ZZEF1: variants seen among roughly 807,000 people sequenced by gnomAD.
ZZEF1 encodes the protein zinc finger ZZ-type and EF-hand domain-containing protein 1.
ZZEF1 carries 157 observed loss-of-function variants against 342.8 expected under a neutral mutation model. That is an observed-to-expected ratio of 0.46 (90% CI 0.40 to 0.52). ZZEF1 has a LOEUF of 0.52. Among genes scored for constraint, ZZEF1 ranks in the 20% least tolerant of loss-of-function variants. The pLI is 0.00. For synonymous variants in ZZEF1, 1,505 were observed against 1,429.1 expected, an observed-to-expected ratio of 1.05 and a Z score of -1.20; for missense variants, 3,480 against 3,725.6, an observed-to-expected ratio of 0.93 and a Z score of 1.72.
In ZZEF1 at chr17:4,086,703, T is replaced by C. The variant is rs111274472; in HGVS notation, c.2343-48A>G. The C allele has an allele frequency of 1.2e-3, 1,962 of 1,602,490 alleles. 26 individuals are homozygous for C. The African/African-American group carries it at 0.023, about 19-fold the overall frequency. On this transcript the variant is annotated intron_variant, in intron 14 of 54. Transcript: ENST00000381638. ...AGAGAGCAAAAGGGCAAGTTGCATTTACTCTCCAAAGCCATATAGCTGTCT... is the reference window on the plus strand; with the variant it reads ...AGAGAGCAAAAGGGCAAGTTGCATTCACTCTCCAAAGCCATATAGCTGTCT...
chr17:4,050,676 T>C (rs1567794589), intron 36 of ZZEF1, 105 bp downstream of exon 36: 1 of 1,526,772 alleles, frequency 6.5e-7, no homozygotes. Context: ...TGTGGAAAAG[T>C]GGATGTTGCC....
chr17:4,025,145 G>C, intron 42 of ZZEF1, 27 bp from the exon 43 acceptor site: 2 of 1,609,586 alleles, frequency 1.2e-6, no homozygotes, highest in Non-Finnish European at 1.7e-6. Flanking sequence ...GGCAGAAAAA[G>C]AAAGGCACAA....
intron 32 of ZZEF1, among the ~76,000 whole-genome samples, chr17:4,057,142 C>T (rs781841): frequency 0.047 from 7,165 of 152,258 alleles, 565 homozygotes; most frequent in African/African-American, 0.16. Flanking sequence ...CTGTAAAGGG[C>T]GCGCTTCCTT....
rs111553415 is a variant in ZZEF1 at position 4,057,390 on chromosome 17, C to A, written c.5165+604G>T. On this transcript the variant is annotated intron_variant, in intron 32 of 54. Transcript: ENST00000381638. ...CCTGGTGTTGACTCATTCACTTCTT[C>A]CCACTTCTCTCCTCTTAGTGCATTC... Among the ~76,000 whole-genome samples the A allele has an allele frequency of 7.4e-4, 112 of 152,322 alleles. 1 individual carries two copies. Among genetic ancestry groups the A allele is most frequent in the African/African-American group, 2.6e-3 (106 of 41,564 alleles).
chr17:4,103,314 G>GGGAGTACTGCTTGAGTCCA (rs767287727), intron 8 of ZZEF1, among the ~76,000 whole-genome samples: 1 of 152,114 alleles, frequency 6.6e-6, no homozygotes, highest in Non-Finnish European at 1.5e-5. Flanking sequence ...AGGCTGAGGT[G>GGGAGTACTGCTTGAGTCCA]GGAGTACTGC....
chr17:4,102,162 T>A (rs771302537), intron 9 of ZZEF1, among the ~76,000 whole-genome samples, 155 bp downstream of exon 9: 1 of 152,200 alleles, frequency 6.6e-6, no homozygotes, highest in Non-Finnish European at 1.5e-5. Flanking sequence ...AGATTACAAC[T>A]ACACCACACA....
chr17:4,095,851 G>A lies in ZZEF1; in HGVS notation c.1893C>T (p.Leu631=). Residue 631 remains leucine (L), a synonymous_variant, in exon 11 of 55, where the codon CTC becomes CTT. Coordinates refer to ENST00000381638, the MANE Select transcript of ZZEF1 (RefSeq NM_015113.4). Reference sequence around the variant, plus strand: ...CTTACCTGCTTTTTACAAATTGCCTGAGCTCCTGAAGCTTCCATTTGTCAT... The same window carrying A: ...CTTACCTGCTTTTTACAAATTGCCTAAGCTCCTGAAGCTTCCATTTGTCAT... ...EKYDKWKLQE[L]RQFVKSRIGC... is the part of the protein sequence containing the mutation. 6.2e-7 allele frequency: 1 copy of A among 1,609,232 alleles called. No individual in the cohort carries two copies. The highest frequency in any genetic ancestry group is 8.5e-7 in the Non-Finnish European group (1 of 1,177,858).
rs563974928 is a variant in ZZEF1 at position 4,006,591 on chromosome 17, C to T, written c.*299G>A. The T allele has an allele frequency of 2.6e-5, 11 of 430,440 alleles. No individual in the cohort carries two copies. The highest frequency in any genetic ancestry group is 6.7e-4 in the Middle Eastern group (1 of 1,502). The allele number at this position is 430,440 out of a possible 1,614,324, so 26.7% of individuals were successfully genotyped here. A position where few individuals can be genotyped will look rare whatever the true frequency, so the allele number is the denominator to read the frequency against. On this transcript the variant is annotated 3_prime_UTR_variant, in exon 55 of 55. Coordinates refer to ENST00000381638, the MANE Select transcript of ZZEF1 (RefSeq NM_015113.4). ...CTTCCAAGTCTTCCCAGGCCCACGG[C>T]TCCTGCAGTGACAGCCTCTGGAGAA...
chr17:4,050,831 T>C lies in ZZEF1; in HGVS notation c.5813A>G (p.Gln1938Arg). ...ACAGTCCCCGACGAGCTGCATGCAC[T>C]GGCTCCGCAGGGTGGTGGCACTGCT... ...TRSSATTLRS[Q>R]CMQLVGDCLM... Residue 1938 changes from glutamine (Q) to arginine (R), a missense_variant, in exon 36 of 55, where the codon CAG becomes CGG. Gln to Arg is a conservative substitution (Grantham distance 43). Coordinates refer to ENST00000381638, the MANE Select transcript of ZZEF1 (RefSeq NM_015113.4). 2 of 1,614,218 alleles carry C rather than the reference T, an allele frequency of 1.2e-6. No individual in the cohort carries two copies. The highest frequency in any genetic ancestry group is 8.5e-7 in the Non-Finnish European group (1 of 1,180,032).
intron 35 of ZZEF1, 105 bp downstream of exon 35, chr17:4,051,866 A>C (rs1362988900): frequency 2.4e-6 from 3 of 1,245,188 alleles, no homozygotes; most frequent in Non-Finnish European, 3.3e-6. Flanking sequence ...GTTATGTTTA[A>C]ATTTTTAAAT....
chr17:4,019,220 G>A (rs1221844359), intron 46 of ZZEF1, among the ~76,000 whole-genome samples: 1 of 152,180 alleles, frequency 6.6e-6, no homozygotes, highest in East Asian at 1.9e-4. Context: ...GGGGATGGAG[G>A]AGACTGGATT....
intron 42 of ZZEF1, among the ~76,000 whole-genome samples, chr17:4,031,317 AAAATAAAT>A (rs372245182): frequency 3.1e-4 from 45 of 143,472 alleles, no homozygotes; most frequent in East Asian, 4.0e-4. Context: ...CTTGGTCTCA[AAAATAAAT>A]AAATAAATAA....
In ZZEF1 at chr17:4,014,202, G is replaced by A; in HGVS notation, c.8315-14C>T. The A allele has an allele frequency of 1.2e-6, 2 of 1,613,934 alleles. No homozygotes were observed. Among genetic ancestry groups the A allele is most frequent in the Non-Finnish European group, 1.7e-6 (2 of 1,179,818 alleles). On this transcript the variant is annotated splice_polypyrimidine_tract_variant and intron_variant, in intron 50 of 54. Transcript: ENST00000381638. This position sits in a 1 kb window ranked among gnomAD's most constrained non-coding sequence, Gnocchi z 4.4. Reference sequence around the variant, plus strand: ...ACAGAGTGTCTCCTAGGCACACAAGGATCAGAGGCCCATCAGGAACTGAAG... The same window carrying A: ...ACAGAGTGTCTCCTAGGCACACAAGAATCAGAGGCCCATCAGGAACTGAAG...
rs182533546 is a variant in ZZEF1, at chr17:4,039,800, C to T, written c.6306+2629G>A. ...CTGGGACTACAGGCGCCCGCCACCA[C>T]GCCTGGCTAATTTTTTTGTATTTTT... is the stretch of plus-strand genomic sequence containing the variant. On this transcript the variant is annotated intron_variant, in intron 39 of 54. Transcript: ENST00000381638. 6.1e-3 allele frequency among the ~76,000 whole-genome samples: 921 copies of T among 151,826 alleles called. 6 individuals are homozygous for T. Among genetic ancestry groups the T allele is most frequent in the African/African-American group, 0.019 (781 of 41,408 alleles).
chr17:4,069,165 G>C (rs1343057734), intron 26 of ZZEF1, among the ~76,000 whole-genome samples: 1 of 152,186 alleles, frequency 6.6e-6, no homozygotes, highest in Admixed American at 6.5e-5. Flanking sequence ...TCCCACAGCA[G>C]GAAGCCTTCC....
At chr17:4,093,888 C>G (rs962565517) in intron 11 of ZZEF1, among the ~76,000 whole-genome samples, 7 of 152,126 alleles carry the variant, frequency 4.6e-5, no homozygotes, top group African/African-American at 1.7e-4. Context: ...GTGGCTACAT[C>G]CGACAGATCC....
intron 1 of ZZEF1, among the ~76,000 whole-genome samples, chr17:4,132,569 G>GCTCA (rs1748562895): frequency 6.6e-6 from 1 of 151,384 alleles, no homozygotes; most frequent in Non-Finnish European, 1.5e-5. Flanking sequence ...TTGGTGGCAG[G>GCTCA]CGCCTGTAAT....
chr17:4,098,953 A>G (rs968576754), intron 9 of ZZEF1, among the ~76,000 whole-genome samples: 4 of 152,224 alleles, frequency 2.6e-5, no homozygotes, highest in African/African-American at 9.6e-5. Flanking sequence ...AGAGCCCTGG[A>G]TGTCTCTATG....
chr17:4,031,668 C>A (rs1025555963), intron 42 of ZZEF1, among the ~76,000 whole-genome samples: 1 of 152,150 alleles, frequency 6.6e-6, no homozygotes, highest in Non-Finnish European at 1.5e-5. Context: ...ATTGCCTGGG[C>A]CTTGGCAAAC....
Sources: gnomAD v4.1 joint callset for allele counts (sites outside exome capture counted in the v4.1 genomes callset) on GRCh38, gnomAD v4.1.1 for gene constraint, Gnocchi (gnomAD v3.1) non-coding constraint, MANE v1.5 for transcripts, NCBI Gene and HGNC (gene_info 2026-07-23, HGNC 2026-07-21) for gene names.